Variants in ARHGAP26 observed in about 807,000 individuals in gnomAD.
ARHGAP26 encodes the protein Rho GTPase activating protein 26, also known as rho GTPase-activating protein 26.
Under a neutral mutation model 104.8 loss-of-function variants are expected in ARHGAP26, and 38 were observed. The observed-to-expected ratio is 0.36, with a 90% confidence interval of 0.28 to 0.48. ARHGAP26 has a LOEUF of 0.48. Among genes scored for constraint, ARHGAP26 ranks in the 20% least tolerant of loss-of-function variants. ARHGAP26 has a pLI of 0.99. For synonymous variants in ARHGAP26, 341 were observed against 340.0 expected, an observed-to-expected ratio of 1.00 and a Z score of -0.03; for missense variants, 704 against 947.9, an observed-to-expected ratio of 0.74 and a Z score of 3.38.
Position 143,070,045 on chromosome 5 carries a change from G to C in ARHGAP26, c.1538+12298G>C, listed in dbSNP as rs554182994. On this transcript the variant is annotated intron_variant, in intron 17 of 22. Coordinates refer to ENST00000645722, the MANE Select transcript of ARHGAP26 (RefSeq NM_001135608.3). ...GGTGGAGTGCCGATGGTAGCTTCTT[G>C]GTTCACCAGTCCTCAGAATCCAGCA... Among the ~76,000 whole-genome samples, 11 of 152,188 alleles carry C rather than the reference G, an allele frequency of 7.2e-5. No individual in the cohort carries two copies. In the East Asian group the frequency reaches 2.1e-3, roughly 29 times the overall value.
chr5:143,110,565 A>G (rs544935680), intron 17 of ARHGAP26, among the ~76,000 whole-genome samples: 15 of 152,336 alleles, frequency 9.8e-5, no homozygotes, highest in African/African-American at 3.6e-4. Flanking sequence ...CCAGACTGGC[A>G]TACACATGTG....
chr5:142,850,721 C>T (rs990753656), intron 1 of ARHGAP26, among the ~76,000 whole-genome samples: 2 of 152,180 alleles, frequency 1.3e-5, no homozygotes, highest in South Asian at 2.1e-4. Context: ...TCTACCTCCT[C>T]CCTTCTCATT....
chr5:142,900,174 T>G (rs2152448401), intron 6 of ARHGAP26, among the ~76,000 whole-genome samples: 1 of 152,290 alleles, frequency 6.6e-6, no homozygotes, highest in East Asian at 1.9e-4. Flanking sequence ...GAGCCTCCTC[T>G]CCTCTGTTAT....
chr5:143,185,502 T>C (rs1805002603), intron 20 of ARHGAP26, among the ~76,000 whole-genome samples: 1 of 152,212 alleles, frequency 6.6e-6, no homozygotes, highest in South Asian at 2.1e-4. Context: ...GTAAGCTGGC[T>C]CTGAATATTT....
In ARHGAP26 at chr5:143,046,872, A is replaced by G. The variant is rs144667066; in HGVS notation, c.1285+4982A>G. 2.9e-3 allele frequency among the ~76,000 whole-genome samples: 435 copies of G among 152,340 alleles called. 5 individuals are homozygous for G. Among genetic ancestry groups the G allele is most frequent in the African/African-American group, 0.01 (428 of 41,582 alleles). On this transcript the variant is annotated intron_variant, in intron 14 of 22. Transcript: ENST00000645722. ...AAAAGTAGAAGAAAATAACAGTTCT[A>G]TATACTAGAGTTAACCTTTATTAAC...
intron 1 of ARHGAP26, among the ~76,000 whole-genome samples, chr5:142,843,278 CAA>C (rs1771176376): frequency 6.6e-6 from 1 of 152,184 alleles, no homozygotes; most frequent in Non-Finnish European, 1.5e-5. Context: ...GCAGCTGAGG[CAA>C]AGAGTGTGAT....
At chr5:143,159,915 TG>T (rs1338601004) in intron 20 of ARHGAP26, among the ~76,000 whole-genome samples, 2 of 119,348 alleles carry the variant, frequency 1.7e-5, no homozygotes, top group Admixed American at 8.3e-5. Flanking sequence ...TACCCTCTTG[TG>T]GTATGGGATT....
At position 143,012,549 on chromosome 5, in the gene ARHGAP26, A is replaced by ATATATATATATATATATG. The variant is rs1778934981; in HGVS notation, c.1108-1529_1108-1528insTATATATATATATATGTA. ...TGGAGGGATATATTTATATACATAC[A>ATATATATATATATATATG]TACATATATATATATATATATATAT... On this transcript the variant is annotated intron_variant, in intron 11 of 22. Transcript: ENST00000645722. 6.1e-5 allele frequency among the ~76,000 whole-genome samples: 3 copies of ATATATATATATATATATG among 49,092 alleles called. 1 individual carries two copies. The highest frequency in any genetic ancestry group is 1.5e-4 in the Non-Finnish European group (3 of 20,002). The allele number at this position is 49,092 out of a possible 152,430, so 32.2% of individuals were successfully genotyped here.
At chr5:143,028,841 A>T (rs1781447129) in intron 12 of ARHGAP26, among the ~76,000 whole-genome samples, 2 of 152,174 alleles carry the variant, frequency 1.3e-5, no homozygotes, top group African/African-American at 4.8e-5. Context: ...CATTCCCTGA[A>T]CATACCAGCC....
intron 5 of ARHGAP26, among the ~76,000 whole-genome samples, chr5:142,891,224 T>G (rs1285878430): frequency 6.6e-6 from 1 of 151,800 alleles, no homozygotes; most frequent in Non-Finnish European, 1.5e-5. Flanking sequence ...CAGGGGGTGG[T>G]GGTGGTGAGA....
intron 9 of ARHGAP26, among the ~76,000 whole-genome samples, chr5:142,910,952 A>AT (rs1406729931): frequency 6.6e-6 from 1 of 152,214 alleles, no homozygotes; most frequent in Admixed American, 6.5e-5. Context: ...AACCTAGATA[A>AT]TTGGGTGTTT....
chr5:142,955,255 A>G (rs1769055073), intron 11 of ARHGAP26, among the ~76,000 whole-genome samples: 1 of 152,096 alleles, frequency 6.6e-6, no homozygotes, highest in Admixed American at 6.6e-5. Context: ...GGCCATGATC[A>G]TTACCACTGC....
chr5:142,902,795 G>C (rs1417421970), intron 7 of ARHGAP26, among the ~76,000 whole-genome samples: 1 of 152,212 alleles, frequency 6.6e-6, no homozygotes. Context: ...ACAAAGCATG[G>C]CTTCCCCTTA....
At chr5:143,112,907 A>G (rs997402764) in intron 17 of ARHGAP26, among the ~76,000 whole-genome samples, 2 of 152,258 alleles carry the variant, frequency 1.3e-5, no homozygotes, top group Admixed American at 6.5e-5. Flanking sequence ...TGTGAATAAT[A>G]CTACAATAAA....
intron 12 of ARHGAP26, among the ~76,000 whole-genome samples, chr5:143,029,212 G>A (rs913305172): frequency 6.6e-6 from 1 of 152,058 alleles, no homozygotes; most frequent in African/African-American, 2.4e-5. Context: ...TTTTAAGGGT[G>A]TTGAAATTGA....
At chr5:143,020,622 T>C (rs1485640317) in intron 12 of ARHGAP26, among the ~76,000 whole-genome samples, 2 of 147,270 alleles carry the variant, frequency 1.4e-5, no homozygotes, top group African/African-American at 5.0e-5. Context: ...TTTAATCTAG[T>C]GCTCTAGTGC....
At chr5:142,785,380 A>G (rs908268719) in intron 1 of ARHGAP26, among the ~76,000 whole-genome samples, 4 of 152,210 alleles carry the variant, frequency 2.6e-5, no homozygotes, top group African/African-American at 7.2e-5. Flanking sequence ...TGCTCTTCAC[A>G]CATTCTTGTC....
chr5:143,148,175 A>T (rs1186628964), intron 20 of ARHGAP26, among the ~76,000 whole-genome samples: 1 of 152,158 alleles, frequency 6.6e-6, no homozygotes, highest in Non-Finnish European at 1.5e-5. Flanking sequence ...GGAAAAACAG[A>T]TGATTTTCCC....
chr5:142,932,252 T>C, intron 11 of ARHGAP26, 127 bp downstream of exon 11: 3 of 790,632 alleles, frequency 3.8e-6, no homozygotes, highest in South Asian at 3.1e-5. Context: ...CCAGAGGTGG[T>C]TTTTTATTCC....
Sources: allele counts gnomAD v4.1 joint callset (sites outside exome capture counted in the v4.1 genomes callset), GRCh38; gene constraint gnomAD v4.1.1; transcripts MANE v1.5; gene names NCBI Gene and HGNC (gene_info 2026-07-23, HGNC 2026-07-21).